Variants in CD36 observed in about 807,000 individuals in gnomAD.
The protein encoded by CD36 is platelet glycoprotein 4.
A neutral mutation model predicts 55.2 loss-of-function variants in CD36; 119 were observed. The ratio of observed to expected loss-of-function variants is 2.15; its 90% confidence interval spans 1.86 to 2.51. CD36 has a LOEUF of 2.51. Among genes scored for constraint, CD36 ranks in the 30% most tolerant of loss-of-function variants. The probability of loss-of-function intolerance (pLI) is 0.00; values close to 1 mark genes in which losing one functional copy is unlikely to be tolerated. For missense variants in CD36, 819 were observed against 555.5 expected (o/e 1.47, Z -4.77); for synonymous variants, 186 against 193.6 (o/e 0.96, Z 0.33).
In CD36 at chr7:80,674,137, CAAT is replaced by C. The variant is rs1562829061; in HGVS notation, c.1412_1414del (p.Ile471del). The stretch of plus-strand genomic sequence containing the variant: ...TCATATTGTGCATGCAGATCGAAAA[CAAT>C]AAAATAAGTAAGTATGTACCAAAAA... On this transcript the variant is annotated inframe_deletion, in exon 14 of 15. Coordinates refer to ENST00000447544, the MANE Select transcript of CD36 (RefSeq NM_001001548.3). 1 of 1,609,430 alleles carries C rather than the reference CAAT, an allele frequency of 6.2e-7. No individual in the cohort carries two copies. The highest frequency in any genetic ancestry group is 1.3e-5 in the African/African-American group (1 of 74,638).
intron 1 of CD36, among the ~76,000 whole-genome samples, chr7:80,645,283 G>A (rs1397017764): frequency 6.6e-6 from 1 of 150,932 alleles, no homozygotes; most frequent in Non-Finnish European, 1.5e-5. Flanking sequence ...GCCTTCCAAA[G>A]TGCTAGGATG....
At chr7:80,652,144 A>G (rs1015986963) in intron 3 of CD36, among the ~76,000 whole-genome samples, 15 of 152,182 alleles carry the variant, frequency 9.9e-5, no homozygotes, top group African/African-American at 3.4e-4. Context: ...ATAGCAGTAT[A>G]AAAACGAATT....
intron 1 of CD36, among the ~76,000 whole-genome samples, chr7:80,643,156 G>C (rs531616957): frequency 3.6e-4 from 55 of 152,222 alleles, no homozygotes; most frequent in African/African-American, 1.3e-3. Context: ...TTTACCCCTT[G>C]CAGAAACTCT....
rs1455785132 is a variant in CD36 at position 80,677,312 on chromosome 7, G to T, written c.*929G>T. 1.3e-5 allele frequency: 2 copies of T among 152,230 alleles called. No individual in the cohort carries two copies. Among genetic ancestry groups the T allele is most frequent in the East Asian group, 3.9e-4 (2 of 5,174 alleles). 9.4% of individuals were successfully genotyped at this position (152,230 alleles called of 1,614,324 possible). A position where few individuals can be genotyped will look rare whatever the true frequency, so the allele number is the denominator to read the frequency against. On this transcript the variant is annotated 3_prime_UTR_variant, in exon 15 of 15. Transcript: ENST00000447544. ...GAGCAGGGGTTCACTTATTCTGAGA[G>T]CATTAGTTCTCCTAAAAAGCTCCAG...
In CD36 at chr7:80,603,769, CAA is replaced by C. The variant is rs371964967; in HGVS notation, c.-184+1406_-184+1407del. 1.8e-3 allele frequency among the ~76,000 whole-genome samples: 172 copies of C among 94,330 alleles called. 1 individual carries two copies. Among genetic ancestry groups the C allele is most frequent in the South Asian group, 5.9e-3 (17 of 2,866 alleles). 61.9% of individuals were successfully genotyped at this position (94,330 alleles called of 152,430 possible). A position where few individuals can be genotyped will look rare whatever the true frequency, so the allele number is the denominator to read the frequency against. On this transcript the variant is annotated intron_variant, in intron 1 of 13. Coordinates refer to the CD36 transcript ENST00000309881. Reference sequence around the variant, plus strand: ...CTGGAACTCAAGAATTACAGTCAGGCAAAAAAAAAAAAAAAAAGAGTTTTAAA... The same window carrying C: ...CTGGAACTCAAGAATTACAGTCAGGCAAAAAAAAAAAAAAAGAGTTTTAAA...
At chr7:80,671,211 A>G in intron 10 of CD36, 47 bp downstream of exon 10, 1 of 1,247,082 alleles carries the variant, frequency 8.0e-7, no homozygotes, top group Non-Finnish European at 1.2e-6. Flanking sequence ...AATTTGTGAT[A>G]TTCTTTAAGA....
chr7:80,611,265 T>G (rs1792863597), intron 1 of CD36, among the ~76,000 whole-genome samples: 2 of 152,196 alleles, frequency 1.3e-5, no homozygotes, highest in Admixed American at 1.3e-4. Flanking sequence ...CCTGGCCATG[T>G]TTCTTGTCTC....
rs535332272 is a variant in CD36, at chr7:80,666,204, C to CTAATTAACACCTGGCAGTTTTTA, written c.702-237_702-215dup. The stretch of plus-strand genomic sequence containing the variant: ...ATTTTTTTCTTATTCCAAGATGTTT[C>CTAATTAACACCTGGCAGTTTTTA]TAATTAACACCTGGCAGTTTTTATT... On this transcript the variant is annotated intron_variant, in intron 7 of 14. Coordinates refer to ENST00000447544, the MANE Select transcript of CD36 (RefSeq NM_001001548.3). The CTAATTAACACCTGGCAGTTTTTA allele has an allele frequency of 2.1e-3, 1,002 of 467,046 alleles. 9 individuals are homozygous for CTAATTAACACCTGGCAGTTTTTA. The highest frequency in any genetic ancestry group is 0.018 in the African/African-American group (929 of 50,458). The allele number at this position is 467,046 out of a possible 1,614,324, so 28.9% of individuals were successfully genotyped here.
At chr7:80,644,719 C>T (rs992353473) in intron 1 of CD36, among the ~76,000 whole-genome samples, 7 of 152,078 alleles carry the variant, frequency 4.6e-5, no homozygotes, top group African/African-American at 1.7e-4. Flanking sequence ...TATAACAAAC[C>T]ACAATTATTA....
At chr7:80,674,856 A>AACTTATTTAGTTGTTTACTGTG (rs1554347793) in intron 14 of CD36, among the ~76,000 whole-genome samples, 2 of 152,112 alleles carry the variant, frequency 1.3e-5, no homozygotes, top group African/African-American at 4.8e-5. Context: ...GTGTTATAAT[A>AACTTATTTAGTTGTTTACTGTG]ACTTATTTAG....
chr7:80,666,090 C>CACTT (rs1266717773), intron 7 of CD36: 1 of 248,364 alleles, frequency 4.0e-6, no homozygotes, highest in South Asian at 5.1e-5. Flanking sequence ...TCATTCTGAA[C>CACTT]ACTTATACTA....
intron 1 of CD36, chr7:80,625,060 G>A (rs912775255): frequency 6.6e-6 from 1 of 152,120 alleles, no homozygotes; most frequent in Non-Finnish European, 1.5e-5. Context: ...TTTAGTCATT[G>A]TATTGGCTTG....
At chr7:80,651,833 C>T (rs1282683345) in intron 3 of CD36, among the ~76,000 whole-genome samples, 1 of 152,108 alleles carries the variant, frequency 6.6e-6, no homozygotes, top group Non-Finnish European at 1.5e-5. Flanking sequence ...CCCTTGAGCC[C>T]AGGAGGTTGA....
intron 1 of CD36, among the ~76,000 whole-genome samples, chr7:80,640,696 G>C (rs1191251197): frequency 1.3e-5 from 2 of 151,996 alleles, no homozygotes; most frequent in Non-Finnish European, 2.9e-5. Flanking sequence ...CTTTAAGTCA[G>C]TATGAACTTA....
intron 1 of CD36, among the ~76,000 whole-genome samples, chr7:80,643,784 T>C (rs1012299050): frequency 7.2e-5 from 11 of 152,324 alleles, no homozygotes; most frequent in African/African-American, 2.6e-4. Context: ...AGAGAGATTA[T>C]GTGGCTTGTC....
At position 80,656,607 on chromosome 7, in the gene CD36, G is replaced by A; in HGVS notation, c.188G>A (p.Arg63Lys). Reference sequence around the variant, plus strand: ...GTTAAAACAGGCACAGAAGTTTACAGACAGTTTTGGATCTTTGATGTGCAA... The same window carrying A: ...GTTAAAACAGGCACAGAAGTTTACAAACAGTTTTGGATCTTTGATGTGCAA... ...NWVKTGTEVY[R>K]QFWIFDVQNP... Residue 63 changes from arginine to lysine, a missense_variant, in exon 4 of 15, where the codon AGA (arginine) becomes AAA (lysine). Coordinates refer to ENST00000447544, the MANE Select transcript of CD36 (RefSeq NM_001001548.3). 2 of 1,613,778 alleles carry A rather than the reference G, an allele frequency of 1.2e-6. No individual in the cohort carries two copies. The highest frequency in any genetic ancestry group is 1.7e-6 in the Non-Finnish European group (2 of 1,179,796).
Position 80,677,615 on chromosome 7 carries a change from A to AAGAT in CD36, c.*1234_*1237dup, listed in dbSNP as rs1798202006. ...GGGAAGATAAAAGAAGTATCTGTCC[A>AAGAT]AGATATTAATATGTAAGATAACATT... On this transcript the variant is annotated 3_prime_UTR_variant, in exon 15 of 15. Coordinates refer to ENST00000447544, the MANE Select transcript of CD36 (RefSeq NM_001001548.3). 1 of 152,200 alleles carries AAGAT rather than the reference A, an allele frequency of 6.6e-6. No homozygotes were observed. Among genetic ancestry groups the AAGAT allele is most frequent in the Admixed American group, 6.5e-5 (1 of 15,280 alleles). 9.4% of individuals were successfully genotyped at this position (152,200 alleles called of 1,614,324 possible).
At chr7:80,608,552 G>T (rs768691884) in intron 1 of CD36, among the ~76,000 whole-genome samples, 1 of 152,006 alleles carries the variant, frequency 6.6e-6, no homozygotes, top group Admixed American at 6.6e-5. Flanking sequence ...TCCATAGAAG[G>T]GTTAAATATT....
chr7:80,605,804 ATCCTT>A (rs962884011), intron 1 of CD36, among the ~76,000 whole-genome samples: 1 of 152,146 alleles, frequency 6.6e-6, no homozygotes, highest in Non-Finnish European at 1.5e-5. Flanking sequence ...TATTAGCCCC[ATCCTT>A]TTAAGAGCTG....
Sources: gnomAD v4.1 joint callset for allele counts (sites outside exome capture counted in the v4.1 genomes callset) on GRCh38, gnomAD v4.1.1 for gene constraint, MANE v1.5 for transcripts, NCBI Gene and HGNC (gene_info 2026-07-23, HGNC 2026-07-21) for gene names.